LONP1: variants seen among roughly 807,000 people sequenced by gnomAD.
LONP1 encodes lon protease homolog, mitochondrial.
Under a neutral mutation model 98.5 loss-of-function variants are expected in LONP1, and 31 were observed. That is an observed-to-expected ratio of 0.31 (90% CI 0.24 to 0.42). The LOEUF is 0.42. Ranked by LOEUF, LONP1 falls within the 20% of genes least tolerant of loss-of-function variation. LONP1 has a pLI of 1.00. For synonymous variants in LONP1, 781 were observed against 594.7 expected (o/e 1.31, Z -4.56); for missense variants, 1,336 against 1,350.6 (o/e 0.99, Z 0.17).
chr19:5,691,976 T>TCAGTTCTTGCCCAGACAGGGCCTGACATC lies in LONP1; in HGVS notation c.*55_*56insGATGTCAGGCCCTGTCTGGGCAAGAACTG. The TCAGTTCTTGCCCAGACAGGGCCTGACATC allele has an allele frequency of 1.3e-6, 2 of 1,536,482 alleles. No homozygotes were observed. The highest frequency in any genetic ancestry group is 1.8e-6 in the Non-Finnish European group (2 of 1,135,666). ...GGTCCGGGCGCGCTCCCCACAGCGC[T>TCAGTTCTTGCCCAGACAGGGCCTGACATC]CAGTTCTGGCCCAGACAGGGCCTGA... On this transcript the variant is annotated 3_prime_UTR_variant, in exon 18 of 18. Transcript: ENST00000360614.
Position 5,713,035 on chromosome 19 carries a change from G to C in LONP1, c.638+99C>G. 13 of 1,543,080 alleles carry C rather than the reference G, an allele frequency of 8.4e-6. No individual in the cohort carries two copies. In the South Asian group the frequency reaches 1.4e-4, roughly 16 times the overall value. On this transcript the variant is annotated intron_variant, in intron 3 of 17. Transcript: ENST00000360614. ...CTAGTGAGAAAGCCGCTGGGCTGACGGACAGGGCAGAGGCTGATGCTGGGG... is the reference window on the plus strand; with the variant it reads ...CTAGTGAGAAAGCCGCTGGGCTGACCGACAGGGCAGAGGCTGATGCTGGGG...
Position 5,692,199 on chromosome 19 carries a change from C to A in LONP1, c.2713G>T (p.Ala905Ser), listed in dbSNP as rs377388291. Reference sequence around the variant, plus strand: ...GGCAGGACGATGCACGTCACCCCTGCGCGCTTGGCCTGGGGGCAGAGTCAG... The same window carrying A: ...GGCAGGACGATGCACGTCACCCCTGAGCGCTTGGCCTGGGGGCAGAGTCAG... ...IKEKTIAAKR[A>S]GVTCIVLPAE... Residue 905 changes from alanine to serine, a missense_variant, in exon 18 of 18, where the codon GCA becomes TCA. Physicochemically the swap from Ala to Ser is moderately conservative, Grantham distance 99. Around this residue, in one of 5 missense-constraint regions of LONP1, gnomAD observed 555 missense variants for 542.6 expected, o/e 1.02. Coordinates refer to ENST00000360614, the MANE Select transcript of LONP1 (RefSeq NM_004793.4). 1.2e-6 allele frequency: 2 copies of A among 1,611,672 alleles called. No homozygotes were observed. Among genetic ancestry groups the A allele is most frequent in the African/African-American group, 2.7e-5 (2 of 74,930 alleles).
At chr19:5,700,951 T>C in intron 8 of LONP1, 24 bp from the exon 9 acceptor site, 1 of 1,613,806 alleles carries the variant, frequency 6.2e-7, no homozygotes, top group Non-Finnish European at 8.5e-7. Flanking sequence ...GATGGAGAGA[T>C]GCTGAGTGGA....
intron 15 of LONP1, among the ~76,000 whole-genome samples, chr19:5,694,089 C>T: frequency 6.6e-6 from 1 of 152,220 alleles, no homozygotes; most frequent in East Asian, 1.9e-4. Context: ...ATCCCCTTTG[C>T]CCTCTCGCCT....
rs576425895 is a variant in LONP1, at chr19:5,696,772, C to T, written c.1686-15G>A. 105 of 1,597,518 alleles carry T rather than the reference C, an allele frequency of 6.6e-5. No individual in the cohort carries two copies. The South Asian group carries it at 7.9e-4, about 12-fold the overall frequency. ...CGTAGGTCCGCCTGTGGGTGCACAG[C>T]GGGGTCAGAGGTCACTTGGTAGCCT... On this transcript the variant is annotated splice_polypyrimidine_tract_variant and intron_variant, in intron 10 of 17. Coordinates refer to ENST00000360614, the MANE Select transcript of LONP1 (RefSeq NM_004793.4).
intron 6 of LONP1, 128 bp downstream of exon 6, chr19:5,707,569 G>T: frequency 1.0e-6 from 1 of 961,684 alleles, no homozygotes; most frequent in South Asian, 1.5e-5. Context: ...GATGGTGCAC[G>T]GTGGAGGGAC....
intron 1 of LONP1, among the ~76,000 whole-genome samples, chr19:5,717,962 A>G (rs2145637670): frequency 6.9e-6 from 1 of 144,522 alleles, no homozygotes; most frequent in South Asian, 2.1e-4. Flanking sequence ...CTCCTGCCTC[A>G]GCCTCCCAAA....
At chr19:5,698,445 C>T (rs542870689) in intron 10 of LONP1, among the ~76,000 whole-genome samples, 29 of 152,342 alleles carry the variant, frequency 1.9e-4, no homozygotes, top group Admixed American at 7.8e-4. Context: ...AGAAAAGCCG[C>T]GCCCGGCTGC....
At chr19:5,705,118 C>T (rs896860666) in intron 8 of LONP1, among the ~76,000 whole-genome samples, 5 of 151,162 alleles carry the variant, frequency 3.3e-5, no homozygotes, top group South Asian at 4.2e-4. Context: ...ACCAACATTG[C>T]ACCACTGTAC....
intron 10 of LONP1, among the ~76,000 whole-genome samples, chr19:5,698,189 G>C (rs925064856): frequency 6.6e-6 from 1 of 151,992 alleles, no homozygotes; most frequent in Non-Finnish European, 1.5e-5. Flanking sequence ...TGGACACTGC[G>C]CGGGCCAGCA....
At chr19:5,706,912 G>A (rs2055154382) in intron 7 of LONP1, 148 bp downstream of exon 7, 3 of 645,970 alleles carry the variant, frequency 4.6e-6, no homozygotes, top group Admixed American at 4.8e-5. Flanking sequence ...AGCAGATGAT[G>A]GCACGAAGCC....
At chr19:5,698,362 ACACTCGGCTCT>A (rs2054979938) in intron 10 of LONP1, among the ~76,000 whole-genome samples, 1 of 152,192 alleles carries the variant, frequency 6.6e-6, no homozygotes, top group Non-Finnish European at 1.5e-5. Context: ...CAGATGCCTC[ACACTCGGCTCT>A]CACTGAGGCT....
intron 1 of LONP1, among the ~76,000 whole-genome samples, chr19:5,716,353 C>G (rs2055323418): frequency 7.2e-6 from 1 of 138,360 alleles, no homozygotes; most frequent in Non-Finnish European, 1.5e-5. Flanking sequence ...GGACTTTAAG[C>G]AGCTCACTGC....
chr19:5,700,723 G>T, intron 9 of LONP1, 66 bp downstream of exon 9: 1 of 1,594,206 alleles, frequency 6.3e-7, no homozygotes. Flanking sequence ...TCAACCCACA[G>T]CACACAAGAG....
rs762534740 is a variant in LONP1, at chr19:5,699,055, T to C, written c.1657A>G (p.Thr553Ala). 2 of 1,608,426 alleles carry C rather than the reference T, an allele frequency of 1.2e-6. No individual in the cohort carries two copies. The highest frequency in any genetic ancestry group is 4.5e-5 in the East Asian group (2 of 44,378). ...TGGCCCTTGATCTCAGCCACGTCAG[T>C]CATGCCCCCGACGCTGAAGCGGAAG... ...EYFRFSVGGMTDVAEIKGHRR... is the reference protein window; with the variant it reads ...EYFRFSVGGMADVAEIKGHRR... Residue 553 changes from threonine (T) to alanine (A), a missense_variant, in exon 10 of 18, where the codon ACT becomes GCT. By Grantham distance (58) the Thr-to-Ala change is moderately conservative. Around this residue, in one of 5 missense-constraint regions of LONP1, gnomAD observed 219 missense variants for 241.0 expected, o/e 0.91. Coordinates refer to ENST00000360614, the MANE Select transcript of LONP1 (RefSeq NM_004793.4).
At chr19:5,698,202 C>T (rs1489086347) in intron 10 of LONP1, among the ~76,000 whole-genome samples, 3 of 152,112 alleles carry the variant, frequency 2.0e-5, no homozygotes, top group African/African-American at 7.2e-5. Context: ...GGCCAGCATG[C>T]TGTCACCCTT....
intron 1 of LONP1, among the ~76,000 whole-genome samples, chr19:5,718,017 C>A (rs1258941792): frequency 6.6e-6 from 1 of 151,678 alleles, no homozygotes; most frequent in Non-Finnish European, 1.5e-5. Flanking sequence ...GCCCACATGG[C>A]CTCATTTAAA....
At position 5,693,637 on chromosome 19, in the gene LONP1, T is replaced by G; in HGVS notation, c.2453A>C (p.Tyr818Ser). 2 of 1,614,034 alleles carry G rather than the reference T, an allele frequency of 1.2e-6. No individual in the cohort carries two copies. The highest frequency in any genetic ancestry group is 1.7e-5 in the Admixed American group (1 of 60,012). ...CATGAGGAAGGCTCTGGCGAAGGTG[T>G]AGGCTATGCGGGCGCTCTCCTTCAT... ...EVMKESARIA[Y>S]TFARAFLMQH... Residue 818 changes from tyrosine to serine, a missense_variant, in exon 16 of 18, where the codon TAC becomes TCC. Tyr to Ser is a moderately radical substitution (Grantham distance 144). This residue lies in a region of LONP1 where 555 missense variants were observed against 542.6 expected (regional missense o/e 1.02). Coordinates refer to ENST00000360614, the MANE Select transcript of LONP1 (RefSeq NM_004793.4).
intron 8 of LONP1, among the ~76,000 whole-genome samples, chr19:5,703,126 AG>A (rs2055086000): frequency 6.7e-6 from 1 of 149,146 alleles, no homozygotes; most frequent in African/African-American, 2.5e-5. Context: ...GCTTGCAGTG[AG>A]CCGAGATCGT....
Sources: allele counts gnomAD v4.1 joint callset (sites outside exome capture counted in the v4.1 genomes callset), GRCh38; gene constraint gnomAD v4.1.1; regional missense constraint gnomAD v4.1.1; transcripts MANE v1.5; gene names NCBI Gene and HGNC (gene_info 2026-07-23, HGNC 2026-07-21).